The following HMCN2 variants were observed in gnomAD, a reference collection of about 807,000 sequenced individuals.
HMCN2 encodes the protein hemicentin-2.
Under a neutral mutation model 377.5 loss-of-function variants are expected in HMCN2, and 325 were observed. The ratio of observed to expected loss-of-function variants is 0.86; its 90% CI spans 0.79 to 0.94. The LOEUF (loss-of-function observed/expected upper bound fraction) is 0.94. Among genes scored for constraint, HMCN2 ranks in the 40% least tolerant of loss-of-function variants. The pLI, the probability that HMCN2 is intolerant of heterozygous loss-of-function variation, is 0.00. For synonymous variants in HMCN2, 2,007 were observed against 2,046.8 expected, an observed-to-expected ratio of 0.98 and a Z score of 0.53; for missense variants, 4,543 against 4,725.3, an observed-to-expected ratio of 0.96 and a Z score of 1.13.
chr9:130,407,898 C>T (rs1843186154), intron 83 of HMCN2, among the ~76,000 whole-genome samples, 193 bp downstream of exon 83: 1 of 152,198 alleles, frequency 6.6e-6, no homozygotes, highest in Non-Finnish European at 1.5e-5. Flanking sequence ...AAACCAGCCT[C>T]TCTGGGGTGA....
chr9:130,311,691 G>A (rs1837247915), intron 15 of HMCN2, among the ~76,000 whole-genome samples: 1 of 152,188 alleles, frequency 6.6e-6, no homozygotes, highest in Non-Finnish European at 1.5e-5. Flanking sequence ...CTGGGGAACA[G>A]TGTTCCAGAC....
chr9:130,286,288 T>C lies in HMCN2; in HGVS notation c.590T>C (p.Leu197Pro), dbSNP rs1835408732. ...AATSSGQVFH[L>P]DKQQVTEVLK... ...ACCAGCTCTGGGCAGGTGTTCCACC[T>C]GGACAAGCAGCAAGTGACAGAGGTG... The change falls in exon 4 of 98, where the codon CTG becomes CCG. Residue 197 changes from leucine to proline, a missense_variant. This residue lies in a region of HMCN2 where 547 missense variants were observed against 189.9 expected (regional missense o/e 2.88). Coordinates refer to ENST00000683500, the MANE Select transcript of HMCN2 (RefSeq NM_001291815.2). The C allele has an allele frequency of 2.1e-6, 1 of 471,032 alleles. No homozygotes were observed. The highest frequency in any genetic ancestry group is 1.5e-5 in the South Asian group (1 of 64,542). 29.2% of individuals were successfully genotyped at this position (471,032 alleles called of 1,614,324 possible).
rs1157962884 is a variant in HMCN2, at chr9:130,432,941, C to T, written c.14894+386C>T. ...GGCGGGTGACCTGCCCCAGGCCTTA[C>T]AACTAGAAACGTAGGCTGGGGTTGG... On this transcript the variant is annotated intron_variant, in intron 97 of 97. Transcript: ENST00000683500. 8.6e-6 allele frequency: 3 copies of T among 349,494 alleles called. No homozygotes were observed. The East Asian group carries it at 1.7e-4, about 19-fold the overall frequency. The allele number at this position is 349,494 out of a possible 1,614,324, so 21.6% of individuals were successfully genotyped here.
chr9:130,365,066 C>T (rs997699459), intron 41 of HMCN2, among the ~76,000 whole-genome samples, 177 bp downstream of exon 41: 5 of 152,240 alleles, frequency 3.3e-5, no homozygotes, highest in Admixed American at 2.0e-4. Flanking sequence ...AGCTGAGTGG[C>T]GCCAGCTGTT....
Position 130,418,909 on chromosome 9 carries a change from C to T in HMCN2, c.13099C>T (p.Arg4367Trp), listed in dbSNP as rs561764386. ...LQAGQPLRAS[R>W]RLRTLPDGSL... ...GGCGGGTCAACCCTTGCGGGCCAGCCGGCGGCTCCGGACCCTGCCCGATGG... is the reference window on the plus strand; with the variant it reads ...GGCGGGTCAACCCTTGCGGGCCAGCTGGCGGCTCCGGACCCTGCCCGATGG... The change falls in exon 86 of 98, where the codon CGG (arginine) becomes TGG (tryptophan). Residue 4367 changes from arginine (R) to tryptophan (W), a missense_variant. By Grantham distance (101) the Arg-to-Trp change is moderately radical. Transcript: ENST00000683500. 68 of 1,549,404 alleles carry T rather than the reference C, an allele frequency of 4.4e-5. No homozygotes were observed. In the South Asian group the frequency reaches 6.6e-4, roughly 15 times the overall value.
In HMCN2 at chr9:130,351,574, C is replaced by G. The variant is rs1157329500; in HGVS notation, c.4582C>G (p.His1528Asp). The change falls in exon 30 of 98, where the codon CAT becomes GAT. Residue 1528 changes from histidine to aspartate, a missense_variant. His to Asp is a moderately conservative substitution (Grantham distance 81). Around this residue, in one of 5 missense-constraint regions of HMCN2, gnomAD observed 1,032 missense variants for 1,285.1 expected, o/e 0.80. Transcript: ENST00000683500. This position sits in a 1 kb window ranked among gnomAD's most constrained non-coding sequence, Gnocchi z 5.4. ...QQARDFQLRV[H>D]APPTIWGSNE... is the part of the protein sequence containing the mutation. ...GGCCAGGGACTTCCAGCTCCGAGTT[C>G]ATGGTGAGCCCCCACGCCTTCTGGG... is the stretch of plus-strand genomic sequence containing the variant. The G allele has an allele frequency of 7.7e-6, 10 of 1,302,156 alleles. No homozygotes were observed. Among genetic ancestry groups the G allele is most frequent in the African/African-American group, 1.5e-5 (1 of 65,810 alleles). 80.7% of individuals were successfully genotyped at this position (1,302,156 alleles called of 1,614,324 possible). A position where few individuals can be genotyped will look rare whatever the true frequency, so the allele number is the denominator to read the frequency against.
At chr9:130,344,140 G>A (rs1839211112) in intron 25 of HMCN2, among the ~76,000 whole-genome samples, 1 of 152,230 alleles carries the variant, frequency 6.6e-6, no homozygotes, top group South Asian at 2.1e-4. Context: ...AGGTTCCACA[G>A]CAGAAACCAT....
chr9:130,401,169 G>T (rs2131715528), intron 77 of HMCN2, among the ~76,000 whole-genome samples: 1 of 152,272 alleles, frequency 6.6e-6, no homozygotes, highest in African/African-American at 2.4e-5. Context: ...AAGGCCCTCT[G>T]GCATACAAGT....
At position 130,429,592 on chromosome 9, in the gene HMCN2, C is replaced by T; in HGVS notation, c.14233C>T (p.His4745Tyr). The T allele has an allele frequency of 6.4e-7, 1 of 1,550,438 alleles. No homozygotes were observed. The highest frequency in any genetic ancestry group is 8.7e-7 in the Non-Finnish European group (1 of 1,146,880). Residue 4745 changes from histidine (H) to tyrosine (Y), a missense_variant, in exon 94 of 98, where the codon CAC becomes TAC. Around this residue, in one of 5 missense-constraint regions of HMCN2, gnomAD observed 1,155 missense variants for 1,157.7 expected, o/e 1.00. Coordinates refer to ENST00000683500, the MANE Select transcript of HMCN2 (RefSeq NM_001291815.2). ...DECLEGLDDC[H>Y]YNQLCENTPG... is the part of the protein sequence containing the mutation. The stretch of plus-strand genomic sequence containing the variant: ...ATGCCTGGAGGGGTTGGACGACTGT[C>T]ACTACAACCAGCTCTGCGAGAACAC...
chr9:130,340,034 T>G (rs1838963683), intron 23 of HMCN2, among the ~76,000 whole-genome samples: 1 of 152,194 alleles, frequency 6.6e-6, no homozygotes, highest in African/African-American at 2.4e-5. Flanking sequence ...TCCTATCCCC[T>G]GAGGGAGGGG....
At position 130,374,691 on chromosome 9, in the gene HMCN2, T is replaced by A. The variant is rs1359504467; in HGVS notation, c.7628T>A (p.Leu2543Gln). Residue 2543 changes from leucine to glutamine, a missense_variant and splice_region_variant, in exon 49 of 98, where the codon CTG (leucine) becomes CAG (glutamine). Leu to Gln is a moderately radical substitution (Grantham distance 113). Around this residue, in one of 5 missense-constraint regions of HMCN2, gnomAD observed 736 missense variants for 773.2 expected, o/e 0.95. Coordinates refer to ENST00000683500, the MANE Select transcript of HMCN2 (RefSeq NM_001291815.2). Reference sequence around the variant, plus strand: ...ACCAAACACTTCCAGCTCAGTGTCCTGTGTAAGTTTTGGGCATCTCCTGGC... The same window carrying A: ...ACCAAACACTTCCAGCTCAGTGTCCAGTGTAAGTTTTGGGCATCTCCTGGC... Reference protein sequence around the residue: ...EKTKHFQLSVLLAPTILGGAE... With the variant: ...EKTKHFQLSVQLAPTILGGAE... 2.0e-6 allele frequency: 2 copies of A among 985,678 alleles called. No homozygotes were observed. The highest frequency in any genetic ancestry group is 2.3e-4 in the East Asian group (2 of 8,826). The allele number at this position is 985,678 out of a possible 1,614,324, so 61.1% of individuals were successfully genotyped here. A position where few individuals can be genotyped will look rare whatever the true frequency, so the allele number is the denominator to read the frequency against.
chr9:130,418,066 G>A (rs942298566), intron 85 of HMCN2, among the ~76,000 whole-genome samples: 7 of 152,140 alleles, frequency 4.6e-5, no homozygotes, highest in African/African-American at 1.2e-4. Flanking sequence ...GACAGAGCAC[G>A]AGTTTGCCCA....
intron 1 of HMCN2, 62 bp downstream of exon 1, chr9:130,266,199 C>CA: frequency 4.7e-6 from 2 of 428,616 alleles, no homozygotes; most frequent in Admixed American, 5.0e-5. Flanking sequence ...CCTGCCTGAC[C>CA]CCCTCAGTTG....
chr9:130,295,250 G>T (rs1554931627), intron 5 of HMCN2, among the ~76,000 whole-genome samples: 1 of 152,076 alleles, frequency 6.6e-6, no homozygotes, highest in Non-Finnish European at 1.5e-5. Context: ...AGTAATGGCG[G>T]TCCCTGCATC....
At chr9:130,399,440 C>G (rs908074598) in intron 75 of HMCN2, 71 bp from the exon 76 acceptor site, 168 of 1,193,678 alleles carry the variant, frequency 1.4e-4, no homozygotes, top group Non-Finnish European at 1.8e-4. Context: ...CGTGAGACCC[C>G]CACAGCCAGA....
chr9:130,390,549 C>T (rs1842262637), intron 62 of HMCN2, among the ~76,000 whole-genome samples: 1 of 151,982 alleles, frequency 6.6e-6, no homozygotes, highest in Non-Finnish European at 1.5e-5. Context: ...AAGGGGGAGG[C>T]CTGAAGGCCG....
In HMCN2 at chr9:130,302,961, C is replaced by A. The variant is rs781995320; in HGVS notation, c.1381C>A (p.Arg461=). 1.1e-5 allele frequency: 5 copies of A among 470,614 alleles called. No homozygotes were observed. The East Asian group carries it at 3.5e-4, about 33-fold the overall frequency. 29.2% of individuals were successfully genotyped at this position (470,614 alleles called of 1,614,324 possible). The part of the protein sequence containing the change: ...HSALPFRLQL[R]RGEARLGEER... The stretch of plus-strand genomic sequence containing the variant: ...TGCCCTTCCCTTCCGGCTGCAGCTG[C>A]GGCGAGGTGAAGCCAGGCTGGGCGA... The change falls in exon 9 of 98, where the codon CGG becomes AGG. Residue 461 remains arginine (R), a synonymous_variant. Coordinates refer to ENST00000683500, the MANE Select transcript of HMCN2 (RefSeq NM_001291815.2).
In HMCN2 at chr9:130,384,732, A is replaced by G; in HGVS notation, c.9040A>G (p.Met3014Val). The G allele has an allele frequency of 1.5e-6, 2 of 1,302,832 alleles. No homozygotes were observed. Among genetic ancestry groups the G allele is most frequent in the South Asian group, 2.5e-5 (2 of 81,026 alleles). The allele number at this position is 1,302,832 out of a possible 1,614,324, so 80.7% of individuals were successfully genotyped here. The change falls in exon 59 of 98, where the codon ATG (methionine) becomes GTG (valine). Residue 3014 changes from methionine to valine, a missense_variant. Physicochemically the swap from Met to Val is conservative, Grantham distance 21. Coordinates refer to ENST00000683500, the MANE Select transcript of HMCN2 (RefSeq NM_001291815.2). ...GAGAGCACGGCTGTCGGACTCCGGG[A>G]TGTACACATGCGAAGCCCTCAATGC... ...LGRARLSDSG[M>V]YTCEALNAAG...
intron 30 of HMCN2, among the ~76,000 whole-genome samples, chr9:130,352,603 A>G (rs1839795096): frequency 6.6e-6 from 1 of 152,074 alleles, no homozygotes; most frequent in African/African-American, 2.4e-5. Context: ...CCAGCCTCTC[A>G]TTTCACAGAT....
Sources: allele counts gnomAD v4.1 joint callset (sites outside exome capture counted in the v4.1 genomes callset), GRCh38; gene constraint gnomAD v4.1.1; regional missense constraint gnomAD v4.1.1; non-coding constraint Gnocchi (gnomAD v3.1); transcripts MANE v1.5; gene names NCBI Gene and HGNC (gene_info 2026-07-23, HGNC 2026-07-21).